Variants in ZNF365 observed in about 807,000 individuals in gnomAD.
ZNF365 encodes the protein zinc finger protein 365, also known as protein ZNF365.
ZNF365 carries 22 observed loss-of-function variants against 35.0 expected under a neutral mutation model. The observed-to-expected ratio is 0.63, with a 90% CI of 0.45 to 0.90. The LOEUF (loss-of-function observed/expected upper bound fraction) is 0.90. ZNF365 is among the 40% of genes least tolerant of loss of function. ZNF365 has a pLI of 0.00. For missense variants in ZNF365, 448 were observed against 500.3 expected (o/e 0.90, Z 1.00); for synonymous variants, 188 against 196.2 (o/e 0.96, Z 0.35).
At chr10:62,419,534 C>T (rs556230667) in intron 3 of ZNF365, among the ~76,000 whole-genome samples, 1 of 150,070 alleles carries the variant, frequency 6.7e-6, no homozygotes, top group African/African-American at 2.4e-5. Context: ...TATACAAAGT[C>T]GTTTGTCAGG....
chr10:62,476,555 A>G (rs923782999), intron 4 of ZNF365, among the ~76,000 whole-genome samples: 3 of 152,232 alleles, frequency 2.0e-5, no homozygotes, highest in African/African-American at 7.2e-5. Flanking sequence ...GGTTACAGCT[A>G]GAGGAAAAGA....
rs3999114 is a variant in ZNF365, at chr10:62,458,467, AACACAC to A, written c.925-1248_925-1243del. Among the ~76,000 whole-genome samples the A allele has an allele frequency of 7.7e-3, 1,137 of 148,394 alleles. 5 individuals carry two copies. Among genetic ancestry groups the A allele is most frequent in the Middle Eastern group, 0.045 (13 of 292 alleles). On this transcript the variant is annotated intron_variant, in intron 3 of 4. Coordinates refer to the ZNF365 transcript ENST00000395255. ...TGCAAGCATCCAGTCCACCATCTTG[AACACAC>A]ACACACACACACACACACACACACA...
intron 3 of ZNF365, among the ~76,000 whole-genome samples, chr10:62,423,077 G>A (rs1044988339): frequency 6.6e-6 from 1 of 152,198 alleles, no homozygotes; most frequent in African/African-American, 2.4e-5. Context: ...TGAATTTATA[G>A]TGGCAACTAA....
rs1409742774 is a variant in ZNF365, at chr10:62,401,215, G to A, written c.*1426G>A. ...TTTTAAATACTCATGGAGAAAGTGT[G>A]TGTTTGTGGTGGGTGGTTTTTAAAC... is the stretch of plus-strand genomic sequence containing the variant. On this transcript the variant is annotated 3_prime_UTR_variant, in exon 5 of 5. Transcript: ENST00000395254. The A allele has an allele frequency of 1.1e-5, 11 of 984,510 alleles. No homozygotes were observed. In the Admixed American group the frequency reaches 1.8e-4, roughly 17 times the overall value. The allele number at this position is 984,510 out of a possible 1,614,324, so 61.0% of individuals were successfully genotyped here.
At chr10:62,442,706 C>T (rs1221111529) in intron 3 of ZNF365, among the ~76,000 whole-genome samples, 1 of 152,200 alleles carries the variant, frequency 6.6e-6, no homozygotes, top group African/African-American at 2.4e-5. Context: ...ATGGTGGACT[C>T]AACTCCTGGT....
intron 1 of ZNF365, among the ~76,000 whole-genome samples, chr10:62,374,970 G>A (rs1017365955): frequency 2.0e-5 from 3 of 152,102 alleles, no homozygotes; most frequent in African/African-American, 7.2e-5. Flanking sequence ...ACAGGAAGAG[G>A]TTCCCCTCTC....
At chr10:62,424,678 A>T (rs772169352) in intron 3 of ZNF365, among the ~76,000 whole-genome samples, 13 of 152,202 alleles carry the variant, frequency 8.5e-5, no homozygotes, top group Non-Finnish European at 1.9e-4. Flanking sequence ...TTCTGATATA[A>T]CCAAAGTCTG....
intron 3 of ZNF365, among the ~76,000 whole-genome samples, chr10:62,432,240 G>C (rs1213449019): frequency 1.3e-5 from 2 of 152,118 alleles, no homozygotes; most frequent in African/African-American, 4.8e-5. Context: ...GGGAGCTGAG[G>C]GGCAAATAAG....
At chr10:62,478,708 G>A (rs1841172664) in intron 4 of ZNF365, among the ~76,000 whole-genome samples, 1 of 152,130 alleles carries the variant, frequency 6.6e-6, no homozygotes, top group Non-Finnish European at 1.5e-5. Context: ...CATGTAGCTG[G>A]GACTACAGAC....
chr10:62,433,829 C>A (rs952950052), intron 3 of ZNF365, among the ~76,000 whole-genome samples: 1 of 152,072 alleles, frequency 6.6e-6, no homozygotes, highest in Non-Finnish European at 1.5e-5. Flanking sequence ...GAAGTTAAGG[C>A]GTTTTGGGGG....
chr10:62,385,262 T>G (rs1268404335), intron 2 of ZNF365, among the ~76,000 whole-genome samples: 1 of 152,224 alleles, frequency 6.6e-6, no homozygotes, highest in Non-Finnish European at 1.5e-5. Flanking sequence ...AGGTATTAAC[T>G]TCTCAGCTTC....
chr10:62,401,320 T>C lies in ZNF365; in HGVS notation c.*1531T>C. 1.0e-6 allele frequency: 1 copy of C among 985,576 alleles called. No homozygotes were observed. The highest frequency in any genetic ancestry group is 4.7e-5 in the South Asian group (1 of 21,290). The allele number at this position is 985,576 out of a possible 1,614,324, so 61.1% of individuals were successfully genotyped here. A position where few individuals can be genotyped will look rare whatever the true frequency, so the allele number is the denominator to read the frequency against. On this transcript the variant is annotated 3_prime_UTR_variant, in exon 5 of 5. Transcript: ENST00000395254. ...AACGTAATTAACATTGGCAGAATTA[T>C]GATTGTTACTGCAATAAGCATCAAA...
At chr10:62,431,396 C>A (rs1227024336) in intron 3 of ZNF365, among the ~76,000 whole-genome samples, 2 of 152,212 alleles carry the variant, frequency 1.3e-5, no homozygotes, top group Admixed American at 6.5e-5. Context: ...GCATCCTGTT[C>A]TTGTTTCGCT....
At chr10:62,467,882 T>G (rs1019257312) in intron 4 of ZNF365, among the ~76,000 whole-genome samples, 1 of 152,178 alleles carries the variant, frequency 6.6e-6, no homozygotes, top group African/African-American at 2.4e-5. Context: ...TGCATTTGCA[T>G]GGCTCTGTGA....
intron 3 of ZNF365, among the ~76,000 whole-genome samples, chr10:62,424,167 C>T (rs117208019): frequency 6.6e-6 from 1 of 152,092 alleles, no homozygotes; most frequent in Non-Finnish European, 1.5e-5. Flanking sequence ...ATTTGAGAAG[C>T]CTGTGAGTGA....
At position 62,402,374 on chromosome 10, in the gene ZNF365, T is replaced by G; in HGVS notation, c.*2585T>G. The G allele has an allele frequency of 3.0e-6, 3 of 985,538 alleles. No individual in the cohort carries two copies. The highest frequency in any genetic ancestry group is 3.6e-6 in the Non-Finnish European group (3 of 829,874). 61.0% of individuals were successfully genotyped at this position (985,538 alleles called of 1,614,324 possible). On this transcript the variant is annotated 3_prime_UTR_variant, in exon 5 of 5. Coordinates refer to ENST00000395254, the MANE Select transcript of ZNF365 (RefSeq NM_014951.3). ...CAGGGCCAGTCAGTTGTACAGAAGTTGGAATATTCTGTTCCAGAATTAAAG... is the reference window on the plus strand; with the variant it reads ...CAGGGCCAGTCAGTTGTACAGAAGTGGGAATATTCTGTTCCAGAATTAAAG...
At chr10:62,424,738 G>C (rs370857453) in intron 3 of ZNF365, among the ~76,000 whole-genome samples, 3 of 152,312 alleles carry the variant, frequency 2.0e-5, no homozygotes, top group South Asian at 4.1e-4. Flanking sequence ...TGCTTTATGA[G>C]ACAAATGTTC....
chr10:62,457,684 C>G (rs1026508378), intron 3 of ZNF365, among the ~76,000 whole-genome samples: 2 of 152,204 alleles, frequency 1.3e-5, no homozygotes, highest in Non-Finnish European at 2.9e-5. Flanking sequence ...CCCATTTCCA[C>G]TCTGTCAACT....
intron 3 of ZNF365, among the ~76,000 whole-genome samples, chr10:62,450,516 T>A (rs1374954062): frequency 6.6e-6 from 1 of 152,228 alleles, no homozygotes; most frequent in Non-Finnish European, 1.5e-5. Context: ...ATTTTCATTT[T>A]ACACTGAACT....
Sources: gnomAD v4.1 joint callset for allele counts (sites outside exome capture counted in the v4.1 genomes callset) on GRCh38, gnomAD v4.1.1 for gene constraint, MANE v1.5 for transcripts, NCBI Gene and HGNC (gene_info 2026-07-23, HGNC 2026-07-21) for gene names.